The following ZDHHC21 variants were observed in gnomAD, a reference collection of about 807,000 sequenced individuals.
The protein encoded by ZDHHC21 is palmitoyltransferase ZDHHC21.
Under a neutral mutation model 34.6 loss-of-function variants are expected in ZDHHC21, and 15 were observed. The ratio of observed to expected loss-of-function variants is 0.43; its 90% CI spans 0.29 to 0.67. The LOEUF (loss-of-function observed/expected upper bound fraction) is 0.67. Among genes scored for constraint, ZDHHC21 ranks in the 30% least tolerant of loss-of-function variants. The pLI is 0.14. For missense variants in ZDHHC21, 344 were observed against 327.7 expected, an observed-to-expected ratio of 1.05 and a Z score of -0.38; for synonymous variants, 142 against 101.8, an observed-to-expected ratio of 1.40 and a Z score of -2.38.
intron 5 of ZDHHC21, among the ~76,000 whole-genome samples, chr9:14,667,110 A>G (rs1834587087): frequency 8.6e-6 from 1 of 116,188 alleles, no homozygotes; most frequent in African/African-American, 3.1e-5. Flanking sequence ...TAGCAAGACT[A>G]ATAAAGAAAA....
At chr9:14,659,036 T>G (rs9298702) in intron 6 of ZDHHC21, 149 bp from the exon 7 acceptor site, 1 of 701,890 alleles carries the variant, frequency 1.4e-6, no homozygotes. Flanking sequence ...AAACAAACTA[T>G]ACAGAGAAAA....
intron 2 of ZDHHC21, among the ~76,000 whole-genome samples, chr9:14,687,255 T>C (rs560501403): frequency 6.6e-6 from 1 of 150,930 alleles, no homozygotes; most frequent in South Asian, 2.1e-4. Flanking sequence ...AGAAAAATCC[T>C]ACTTTACATT....
chr9:14,599,537 G>A, the ZDHHC21 span, among the ~76,000 whole-genome samples: 1 of 152,100 alleles, frequency 6.6e-6, no homozygotes, highest in Non-Finnish European at 1.5e-5. Flanking sequence ...GGCAGACACT[G>A]AGCTAGCTGC....
At chr9:14,595,319 G>A in the ZDHHC21 span, among the ~76,000 whole-genome samples, 2 of 152,236 alleles carry the variant, frequency 1.3e-5, no homozygotes, top group South Asian at 2.1e-4. Flanking sequence ...ACAGAGTTCT[G>A]TTCAACAATA....
intron 5 of ZDHHC21, among the ~76,000 whole-genome samples, chr9:14,670,681 A>G (rs1195409891): frequency 6.6e-6 from 1 of 152,116 alleles, no homozygotes; most frequent in Non-Finnish European, 1.5e-5. Flanking sequence ...TAACATGAAG[A>G]TATTACATAA....
intron 7 of ZDHHC21, among the ~76,000 whole-genome samples, chr9:14,644,557 G>A (rs1587070654): frequency 6.6e-6 from 1 of 151,788 alleles, no homozygotes; most frequent in Admixed American, 6.6e-5. Context: ...GATTATGAAA[G>A]TTCTCCTAAG....
At chr9:14,630,947 G>T (rs1041423327) in intron 8 of ZDHHC21, among the ~76,000 whole-genome samples, 1 of 152,194 alleles carries the variant, frequency 6.6e-6, no homozygotes, top group African/African-American at 2.4e-5. Flanking sequence ...AGTAGATTTA[G>T]CATAATTCTT....
chr9:14,669,188 C>T (rs1397431739), intron 5 of ZDHHC21, among the ~76,000 whole-genome samples: 21 of 133,362 alleles, frequency 1.6e-4, no homozygotes, highest in African/African-American at 2.8e-4. Flanking sequence ...AAAAAGTGGG[C>T]GAAGGACATG....
At chr9:14,668,485 G>A (rs1250325038) in intron 5 of ZDHHC21, among the ~76,000 whole-genome samples, 1 of 76,726 alleles carries the variant, frequency 1.3e-5, no homozygotes, top group Non-Finnish European at 2.5e-5. Context: ...TTTCTTCACA[G>A]AATTGGAAAG....
chr9:14,670,813 A>G (rs536599838), intron 5 of ZDHHC21, among the ~76,000 whole-genome samples: 2 of 152,218 alleles, frequency 1.3e-5, no homozygotes, highest in South Asian at 4.2e-4. Flanking sequence ...CAGCAATTTA[A>G]TTGATCATCT....
At chr9:14,629,464 G>C (rs1254048119) in intron 8 of ZDHHC21, among the ~76,000 whole-genome samples, 2 of 152,136 alleles carry the variant, frequency 1.3e-5, no homozygotes, top group African/African-American at 4.8e-5. Flanking sequence ...TGCAGGTTTG[G>C]TTCTAAACAA....
chr9:14,629,485 A>G (rs1826925151), intron 8 of ZDHHC21, among the ~76,000 whole-genome samples: 1 of 152,214 alleles, frequency 6.6e-6, no homozygotes, highest in Admixed American at 6.5e-5. Context: ...TGAAGCGAGT[A>G]TTGCAATAAA....
At chr9:14,628,482 G>C (rs1201126597) in intron 8 of ZDHHC21, among the ~76,000 whole-genome samples, 1 of 152,036 alleles carries the variant, frequency 6.6e-6, no homozygotes, top group Non-Finnish European at 1.5e-5. Flanking sequence ...ATGTCTAGTA[G>C]GTCTATATTC....
chr9:14,676,880 T>C (rs1272467207), intron 3 of ZDHHC21, among the ~76,000 whole-genome samples: 1 of 152,028 alleles, frequency 6.6e-6, no homozygotes, highest in Non-Finnish European at 1.5e-5. Context: ...ACGTGTTCAA[T>C]ATTATTAATT....
At chr9:14,632,944 G>A (rs932178923) in intron 8 of ZDHHC21, among the ~76,000 whole-genome samples, 2 of 152,166 alleles carry the variant, frequency 1.3e-5, no homozygotes, top group East Asian at 1.9e-4. Context: ...AGAGGAATTA[G>A]AACCCTCAAA....
the ZDHHC21 span, among the ~76,000 whole-genome samples, chr9:14,604,035 A>T: frequency 6.6e-6 from 1 of 152,294 alleles, no homozygotes; most frequent in South Asian, 2.1e-4. Flanking sequence ...ATTCCTGGCA[A>T]ATCGATTGGA....
chr9:14,633,837 C>T (rs923122055), intron 8 of ZDHHC21, among the ~76,000 whole-genome samples: 7 of 152,210 alleles, frequency 4.6e-5, no homozygotes, highest in East Asian at 3.9e-4. Flanking sequence ...CTGCATACAG[C>T]TGCAGCCACT....
rs1031398781 is a variant in ZDHHC21, at chr9:14,614,548, A to C, written c.*4418T>G. On this transcript the variant is annotated 3_prime_UTR_variant, in exon 10 of 10. Transcript: ENST00000380916. ...ATAGTTCAAGCAAGTTGGTTCTAAT[A>C]CTTTCTTATACTGTACTGTGGAATA... 1 of 151,772 alleles carries C rather than the reference A, an allele frequency of 6.6e-6. No individual in the cohort carries two copies. Among genetic ancestry groups the C allele is most frequent in the Non-Finnish European group, 1.5e-5 (1 of 67,738 alleles). 9.4% of individuals were successfully genotyped at this position (151,772 alleles called of 1,614,324 possible).
At chr9:14,670,043 C>A (rs1017562276) in intron 5 of ZDHHC21, among the ~76,000 whole-genome samples, 15 of 150,976 alleles carry the variant, frequency 9.9e-5, no homozygotes, top group African/African-American at 3.7e-4. Flanking sequence ...AACAAACAAA[C>A]AAAAAAACTT....
Sources: gnomAD v4.1 joint callset for allele counts (sites outside exome capture counted in the v4.1 genomes callset) on GRCh38, gnomAD v4.1.1 for gene constraint, MANE v1.5 for transcripts, NCBI Gene and HGNC (gene_info 2026-07-23, HGNC 2026-07-21) for gene names.